CSRP2: variants seen among roughly 807,000 people sequenced by gnomAD.
The protein encoded by CSRP2 is cysteine and glycine rich protein 2.
In CSRP2, 18 loss-of-function variants were observed where a neutral mutation model predicts 24.6. That is an observed-to-expected ratio of 0.73 (90% CI 0.51 to 1.09). CSRP2 has a LOEUF of 1.09. CSRP2 is among the 50% of genes least tolerant of loss of function. The pLI is 0.00. For synonymous variants in CSRP2, 87 were observed against 84.3 expected (o/e 1.03, Z -0.18); for missense variants, 215 against 239.4 (o/e 0.90, Z 0.67).
intron 1 of CSRP2, among the ~76,000 whole-genome samples, chr12:76,873,607 C>G (rs1425050787): frequency 1.3e-5 from 2 of 152,194 alleles, no homozygotes; most frequent in Non-Finnish European, 2.9e-5. Context: ...TGTCATTTCT[C>G]TCATCCGTAA....
At chr12:76,874,905 C>A (rs896469333) in intron 1 of CSRP2, among the ~76,000 whole-genome samples, 11 of 152,126 alleles carry the variant, frequency 7.2e-5, no homozygotes, top group Admixed American at 6.5e-5. Context: ...ATCCACCCAC[C>A]ATCCATGAAA....
intron 1 of CSRP2, chr12:76,878,294 T>C (rs1324166924): frequency 1.3e-5 from 2 of 152,280 alleles, no homozygotes; most frequent in African/African-American, 4.8e-5. Flanking sequence ...TGGAAAAAGC[T>C]AGGAGTAAGT....
At chr12:76,861,837 A>G (rs1023338736) in intron 3 of CSRP2, 1 of 152,256 alleles carries the variant, frequency 6.6e-6, no homozygotes, top group African/African-American at 2.4e-5. Context: ...AGGATTATAC[A>G]GAATGAAGAT....
chr12:76,865,139 G>A (rs1953722328), intron 2 of CSRP2, among the ~76,000 whole-genome samples: 1 of 152,198 alleles, frequency 6.6e-6, no homozygotes, highest in Non-Finnish European at 1.5e-5. Flanking sequence ...TTGACATTTA[G>A]TAAAACAAAT....
intron 4 of CSRP2, 53 bp downstream of exon 4, chr12:76,860,231 A>G: frequency 2.5e-6 from 4 of 1,590,794 alleles, no homozygotes; most frequent in Non-Finnish European, 3.4e-6. Context: ...GTTAGGGGAG[A>G]AAGGGAGCAG....
At chr12:76,865,349 T>C (rs993743508) in intron 2 of CSRP2, among the ~76,000 whole-genome samples, 2 of 152,250 alleles carry the variant, frequency 1.3e-5, no homozygotes, top group Non-Finnish European at 2.9e-5. Flanking sequence ...GAGGAAGGCA[T>C]ACATAGTGAA....
rs1953878399 is a variant in CSRP2, at chr12:76,878,920, C to A, written c.-2+18G>T. Reference sequence around the variant, plus strand: ...GGGGTTGGCGGCGCCGCGGAACCGCCCCACCGCCCCTACTCACTTGAGTCG... The same window carrying A: ...GGGGTTGGCGGCGCCGCGGAACCGCACCACCGCCCCTACTCACTTGAGTCG... On this transcript the variant is annotated intron_variant, in intron 1 of 5. Transcript: ENST00000311083. 2 of 152,228 alleles carry A rather than the reference C, an allele frequency of 1.3e-5. No homozygotes were observed. Among genetic ancestry groups the A allele is most frequent in the Admixed American group, 1.3e-4 (2 of 15,286 alleles). The allele number at this position is 152,228 out of a possible 1,614,324, so 9.4% of individuals were successfully genotyped here.
chr12:76,874,920 T>C (rs1427459856), intron 1 of CSRP2, among the ~76,000 whole-genome samples: 1 of 152,142 alleles, frequency 6.6e-6, no homozygotes, highest in Non-Finnish European at 1.5e-5. Context: ...ATGAAAAAAC[T>C]GTCTTCCACA....
At chr12:76,865,843 A>G in intron 2 of CSRP2, 1 of 314,738 alleles carries the variant, frequency 3.2e-6, no homozygotes, top group Admixed American at 5.0e-5. Context: ...AAACTGTGCT[A>G]GGTGCCAGAC....
At position 76,858,879 on chromosome 12, in the gene CSRP2, A is replaced by T; in HGVS notation, c.*73T>A. On this transcript the variant is annotated 3_prime_UTR_variant, in exon 6 of 6. Coordinates refer to ENST00000311083, the MANE Select transcript of CSRP2 (RefSeq NM_001321.3). ...TGCTGGTAGAATTTCACAGTAGTTT[A>T]GTGTTAAAGATTATCTGTGCCTAGA... is the stretch of plus-strand genomic sequence containing the variant. 7.6e-7 allele frequency: 1 copy of T among 1,310,094 alleles called. No homozygotes were observed. The highest frequency in any genetic ancestry group is 1.1e-6 in the Non-Finnish European group (1 of 905,824). 81.2% of individuals were successfully genotyped at this position (1,310,094 alleles called of 1,614,324 possible).
intron 1 of CSRP2, among the ~76,000 whole-genome samples, chr12:76,872,446 GC>G (rs1182108303): frequency 1.3e-5 from 2 of 152,188 alleles, no homozygotes; most frequent in African/African-American, 4.8e-5. Flanking sequence ...TTCTTGTAAA[GC>G]CCTGGCTCTT....
Position 76,859,533 on chromosome 12 carries a change from G to A in CSRP2, c.505+14C>T, listed in dbSNP as rs1424866638. ...AATATTCATATGGACAGCAGTAACT[G>A]AAATGAATTTTACCTTTACAATAGA... On this transcript the variant is annotated intron_variant, in intron 5 of 5. Coordinates refer to ENST00000311083, the MANE Select transcript of CSRP2 (RefSeq NM_001321.3). The A allele has an allele frequency of 4.5e-6, 7 of 1,566,982 alleles. No homozygotes were observed. Among genetic ancestry groups the A allele is most frequent in the Non-Finnish European group, 6.1e-6 (7 of 1,138,470 alleles).
chr12:76,859,429 AT>A, intron 5 of CSRP2, 117 bp downstream of exon 5: 1 of 694,500 alleles, frequency 1.4e-6, no homozygotes, highest in Non-Finnish European at 2.4e-6. Flanking sequence ...GGGATATTTT[AT>A]TTTCAGAAAA....
chr12:76,865,466 T>C (rs923505359), intron 2 of CSRP2, among the ~76,000 whole-genome samples: 6 of 152,212 alleles, frequency 3.9e-5, no homozygotes, highest in African/African-American at 1.4e-4. Flanking sequence ...TCCAGATACC[T>C]TGAATGCTGG....
In CSRP2 at chr12:76,863,189, TGCC is replaced by T. The variant is rs1953701108; in HGVS notation, c.265_267del (p.Gly89del). ...CTCCCAACTCACCTCTCTGGTTTGA[TGCC>T]CAGCCTCTCGCCACGGTCCATGTTA... On this transcript the variant is annotated inframe_deletion, in exon 3 of 6. Transcript: ENST00000311083. 6.2e-7 allele frequency: 1 copy of T among 1,613,104 alleles called. No individual in the cohort carries two copies. The highest frequency in any genetic ancestry group is 1.7e-5 in the Admixed American group (1 of 59,962).
chr12:76,860,968 G>A (rs1260355808), intron 3 of CSRP2: 1 of 152,034 alleles, frequency 6.6e-6, no homozygotes, highest in Non-Finnish European at 1.5e-5. Context: ...CTTTCTTCAT[G>A]GAAAAATATT....
chr12:76,870,079 A>G (rs73129317), intron 1 of CSRP2, among the ~76,000 whole-genome samples: 12 of 152,358 alleles, frequency 7.9e-5, no homozygotes, highest in Non-Finnish European at 1.6e-4. Context: ...CAAGTTATCA[A>G]CTGGTTCTTA....
At chr12:76,863,029 T>C in intron 3 of CSRP2, 147 bp downstream of exon 3, 1 of 1,431,242 alleles carries the variant, frequency 7.0e-7, no homozygotes, top group Non-Finnish European at 9.2e-7. Context: ...ACTCAATATT[T>C]TGAACTAGTT....
chr12:76,866,326 T>C (rs1953735421), intron 1 of CSRP2, 65 bp from the exon 2 acceptor site: 1 of 1,278,586 alleles, frequency 7.8e-7, no homozygotes, highest in Admixed American at 1.9e-5. Flanking sequence ...AGAGGGCTAT[T>C]TAAGCCCAGG....
Sources: allele counts gnomAD v4.1 joint callset (sites outside exome capture counted in the v4.1 genomes callset), GRCh38; gene constraint gnomAD v4.1.1; transcripts MANE v1.5; gene names NCBI Gene and HGNC (gene_info 2026-07-23, HGNC 2026-07-21).